STX8: variants seen among roughly 807,000 people sequenced by gnomAD.
STX8 encodes the protein syntaxin-8.
In STX8, 23 loss-of-function variants were observed where a neutral mutation model predicts 37.5. The observed-to-expected ratio is 0.61, with a 90% CI of 0.44 to 0.87. STX8 has a LOEUF of 0.87. Ranked by LOEUF, STX8 falls within the 40% of genes least tolerant of loss-of-function variation. STX8 has a pLI of 0.00. For missense variants in STX8, 313 were observed against 284.7 expected, an observed-to-expected ratio of 1.10 and a Z score of -0.71; for synonymous variants, 115 against 99.1, an observed-to-expected ratio of 1.16 and a Z score of -0.95.
intron 7 of STX8, among the ~76,000 whole-genome samples, chr17:9,324,812 G>A (rs964151425): frequency 6.7e-6 from 1 of 149,884 alleles, no homozygotes; most frequent in African/African-American, 2.5e-5. Flanking sequence ...CAGCATCACA[G>A]CTCCACTCTT....
intron 6 of STX8, among the ~76,000 whole-genome samples, chr17:9,418,906 C>T (rs1335029865): frequency 6.7e-6 from 1 of 148,358 alleles, no homozygotes; most frequent in Non-Finnish European, 1.5e-5. Context: ...GCCCACACCC[C>T]CCCCTCTTTT....
At chr17:9,300,537 T>C (rs937447338) in intron 7 of STX8, among the ~76,000 whole-genome samples, 3 of 152,062 alleles carry the variant, frequency 2.0e-5, no homozygotes, top group African/African-American at 7.2e-5. Flanking sequence ...CTTGTTGAGC[T>C]TTTATAGCTA....
intron 4 of STX8, among the ~76,000 whole-genome samples, chr17:9,516,658 T>C (rs1480609201): frequency 6.6e-6 from 1 of 152,116 alleles, no homozygotes; most frequent in Non-Finnish European, 1.5e-5. Context: ...TGGTTTTATG[T>C]TCAATTTAAC....
chr17:9,355,627 C>T (rs1282491833), intron 7 of STX8, among the ~76,000 whole-genome samples: 3 of 151,536 alleles, frequency 2.0e-5, no homozygotes, highest in Non-Finnish European at 4.4e-5. Flanking sequence ...CTCAGCCTCT[C>T]GCCTCCCGAG....
At chr17:9,252,240 C>T (rs550710979) in intron 7 of STX8, among the ~76,000 whole-genome samples, 29 of 151,964 alleles carry the variant, frequency 1.9e-4, no homozygotes, top group Non-Finnish European at 3.1e-4. Context: ...GTCAGGAGAT[C>T]GAGACCATCC....
chr17:9,535,155 G>A lies in STX8; in HGVS notation c.323+10017C>T, dbSNP rs189726770. Among the ~76,000 whole-genome samples, 325 of 152,096 alleles carry A rather than the reference G, an allele frequency of 2.1e-3. 1 individual carries two copies. Among genetic ancestry groups the A allele is most frequent in the African/African-American group, 7.4e-3 (307 of 41,488 alleles). ...ACAGAAGTACCAGAAAAAAGCACAG[G>A]AGAATTTCTTTATAACCTTGGTTCA... On this transcript the variant is annotated intron_variant, in intron 4 of 7. Coordinates refer to ENST00000306357, the MANE Select transcript of STX8 (RefSeq NM_004853.3).
chr17:9,565,509 G>A (rs902595890), intron 2 of STX8, among the ~76,000 whole-genome samples: 1 of 151,704 alleles, frequency 6.6e-6, no homozygotes, highest in Non-Finnish European at 1.5e-5. Context: ...CCAGCTACTC[G>A]GGTAGCTGAG....
intron 2 of STX8, among the ~76,000 whole-genome samples, chr17:9,566,983 G>A (rs1907485777): frequency 6.6e-6 from 1 of 152,162 alleles, no homozygotes. Flanking sequence ...GAACATGAAT[G>A]GAGCTGAAGG....
intron 7 of STX8, among the ~76,000 whole-genome samples, chr17:9,340,226 C>T (rs2142229979): frequency 6.6e-6 from 1 of 152,346 alleles, no homozygotes. Context: ...CTGCTCCTTT[C>T]CCTCAGGTGA....
At chr17:9,498,000 G>A (rs1004882524) in intron 5 of STX8, among the ~76,000 whole-genome samples, 3 of 152,192 alleles carry the variant, frequency 2.0e-5, no homozygotes, top group African/African-American at 7.2e-5. Context: ...TTGATGTTGT[G>A]TTGTCCAGTG....
chr17:9,424,811 A>C (rs1377529033), intron 6 of STX8, among the ~76,000 whole-genome samples: 4 of 152,252 alleles, frequency 2.6e-5, no homozygotes, highest in African/African-American at 9.6e-5. Flanking sequence ...GCCTAGGTAC[A>C]AAGCACTTTG....
intron 4 of STX8, among the ~76,000 whole-genome samples, chr17:9,527,029 A>G (rs1185567620): frequency 6.8e-6 from 1 of 147,244 alleles, no homozygotes; most frequent in Non-Finnish European, 1.5e-5. Context: ...AATACAAAAA[A>G]TTAGCCGGGC....
intron 6 of STX8, among the ~76,000 whole-genome samples, chr17:9,473,956 TG>T (rs1231668974): frequency 6.6e-6 from 1 of 152,170 alleles, no homozygotes; most frequent in African/African-American, 2.4e-5. Context: ...GCTAGAGGGC[TG>T]GAACTTTCAG....
chr17:9,382,171 TCA>T (rs57809204), intron 6 of STX8, among the ~76,000 whole-genome samples: 36,842 of 146,576 alleles, frequency 0.25, 5,517 homozygotes, highest in African/African-American at 0.45. Context: ...AAGAAAACAC[TCA>T]CACACACACA....
At chr17:9,365,798 C>G (rs1160563934) in intron 7 of STX8, among the ~76,000 whole-genome samples, 1 of 152,162 alleles carries the variant, frequency 6.6e-6, no homozygotes, top group East Asian at 1.9e-4. Flanking sequence ...AGGGTGAAAC[C>G]CTGTCTCTAT....
At chr17:9,422,152 T>A (rs891635633) in intron 6 of STX8, among the ~76,000 whole-genome samples, 3 of 151,534 alleles carry the variant, frequency 2.0e-5, no homozygotes, top group African/African-American at 7.3e-5. Flanking sequence ...TTGCCCAGGC[T>A]GGAGTGCAAT....
At chr17:9,515,646 C>CT (rs1905139187) in intron 4 of STX8, among the ~76,000 whole-genome samples, 1 of 152,208 alleles carries the variant, frequency 6.6e-6, no homozygotes, top group South Asian at 2.1e-4. Flanking sequence ...CCTCAGCCTC[C>CT]TGAGTAGCTG....
chr17:9,564,617 G>C (rs970755068), intron 2 of STX8, among the ~76,000 whole-genome samples: 101 of 151,996 alleles, frequency 6.6e-4, no homozygotes, highest in Non-Finnish European at 4.4e-4. Context: ...ATTGCCAACA[G>C]AAAATAAAAT....
chr17:9,370,238 C>T (rs1911362226), intron 7 of STX8, among the ~76,000 whole-genome samples: 1 of 152,008 alleles, frequency 6.6e-6, no homozygotes, highest in African/African-American at 2.4e-5. Context: ...GAATTAAACC[C>T]CACATCTTAT....
Sources: gnomAD v4.1 joint callset for allele counts (sites outside exome capture counted in the v4.1 genomes callset) on GRCh38, gnomAD v4.1.1 for gene constraint, MANE v1.5 for transcripts, NCBI Gene and HGNC (gene_info 2026-07-23, HGNC 2026-07-21) for gene names.